Variants in CCAR2 observed in about 807,000 individuals in gnomAD.
CCAR2 encodes cell cycle and apoptosis regulator 2, also known as cell cycle and apoptosis regulator protein 2.
CCAR2 carries 21 observed loss-of-function variants against 108.1 expected under a neutral mutation model. The ratio of observed to expected loss-of-function variants is 0.19; its 90% CI spans 0.14 to 0.28. CCAR2 has a LOEUF of 0.28. CCAR2 is among the 10% of genes least tolerant of loss of function. CCAR2 has a pLI of 1.00. For synonymous variants in CCAR2, 577 were observed against 472.8 expected, an observed-to-expected ratio of 1.22 and a Z score of -2.86; for missense variants, 1,126 against 1,177.0, an observed-to-expected ratio of 0.96 and a Z score of 0.63.
chr8:22,618,364 C>T lies in CCAR2; in HGVS notation c.2089C>T (p.Pro697Ser). The T allele has an allele frequency of 6.2e-7, 1 of 1,614,232 alleles. No individual in the cohort carries two copies. The highest frequency in any genetic ancestry group is 8.5e-7 in the Non-Finnish European group (1 of 1,180,040). ...TTCTTTGCAGCCCAAGGAGCTGGATCCCTCTGCTGTGCTCCCCTTAGACTG... is the reference window on the plus strand; with the variant it reads ...TTCTTTGCAGCCCAAGGAGCTGGATTCCTCTGCTGTGCTCCCCTTAGACTG... ...SLQDMPKELD[P>S]SAVLPLDCLL... The change falls in exon 17 of 21, where the codon CCC becomes TCC. Residue 697 changes from proline to serine, a missense_variant. Physicochemically the swap from Pro to Ser is moderately conservative, Grantham distance 74 (BLOSUM62 -1). Around this residue, in one of 4 missense-constraint regions of CCAR2, gnomAD observed 1,013 missense variants for 993.9 expected, o/e 1.02. Coordinates refer to ENST00000308511, the MANE Select transcript of CCAR2 (RefSeq NM_001393997.1).
Position 22,606,144 on chromosome 8 carries a change from A to C in CCAR2, c.118A>C (p.Thr40Pro), listed in dbSNP as rs148886727. The change falls in exon 3 of 21, where the codon ACA (threonine) becomes CCA (proline). Residue 40 changes from threonine to proline, a missense_variant. Coordinates refer to ENST00000308511, the MANE Select transcript of CCAR2 (RefSeq NM_001393997.1). ...TGGTTTGCTCACTCCTCCTGTGGCC[A>C]CAGAACTGTCCCAGAATGCCAGGCA... ...PPGLLTPPVA[T>P]ELSQNARHLQ... The C allele has an allele frequency of 7.4e-6, 12 of 1,614,136 alleles. No homozygotes were observed. In the East Asian group the frequency reaches 2.7e-4, roughly 36 times the overall value.
chr8:22,609,087 G>A (rs12681464), intron 7 of CCAR2, among the ~76,000 whole-genome samples: 1,594 of 135,654 alleles, frequency 0.012, 31 homozygotes, highest in East Asian at 0.064. Context: ...GGCTTGCTCC[G>A]TCACCCAGGC....
downstream of CCAR2, chr8:22,621,345 G>A: frequency 2.0e-6 from 3 of 1,514,666 alleles, no homozygotes; most frequent in South Asian, 3.8e-5. Flanking sequence ...GCCTGTGAGA[G>A]GAGCAGCTAG....
In CCAR2 at chr8:22,614,884, A is replaced by C. The variant is rs750090786; in HGVS notation, c.1088A>C (p.Glu363Ala). The change falls in exon 11 of 21, where the codon GAA becomes GCA. Residue 363 changes from glutamate (E) to alanine (A), a missense_variant. Glu to Ala is a moderately radical substitution (Grantham distance 107). This residue lies in a region of CCAR2 where 1,013 missense variants were observed against 993.9 expected (regional missense o/e 1.02). Coordinates refer to ENST00000308511, the MANE Select transcript of CCAR2 (RefSeq NM_001393997.1). The part of the protein sequence containing the change: ...KEEEAVLVGG[E>A]WSPSLDGLDP... ...GAGGAGGCAGTGCTGGTTGGGGGTG[A>C]ATGGTCTCCTTCCCTGGATGGCCTC... is the stretch of plus-strand genomic sequence containing the variant. 7 of 1,613,906 alleles carry C rather than the reference A, an allele frequency of 4.3e-6. No homozygotes were observed. The highest frequency in any genetic ancestry group is 5.9e-6 in the Non-Finnish European group (7 of 1,180,000).
Position 22,617,411 on chromosome 8 carries a change from C to G in CCAR2, c.1846-9C>G. On this transcript the variant is annotated splice_polypyrimidine_tract_variant and intron_variant, in intron 14 of 20. Coordinates refer to ENST00000308511, the MANE Select transcript of CCAR2 (RefSeq NM_001393997.1). ...GCCTTTTCCTTATAACCTTTGTCTG[C>G]CTCTGTAGAAGGAGGATGGGCTTTT... The G allele has an allele frequency of 6.5e-7, 1 of 1,529,222 alleles. No homozygotes were observed. 94.7% of individuals were successfully genotyped at this position (1,529,222 alleles called of 1,614,324 possible).
In CCAR2 at chr8:22,615,714, C is replaced by G. The variant is rs201386411; in HGVS notation, c.1410C>G (p.Ala470=). ...AGCCTACTGAACAGGCACCTGATGC[C>G]TTGGAGCAAGCAGCAGACACTTCTA... ...ETEPTEQAPD[A]LEQAADTSRR... Residue 470 remains alanine, a synonymous_variant, in exon 13 of 21, where the codon GCC becomes GCG. Coordinates refer to ENST00000308511, the MANE Select transcript of CCAR2 (RefSeq NM_001393997.1). 6.8e-6 allele frequency: 11 copies of G among 1,613,744 alleles called. No homozygotes were observed. Among genetic ancestry groups the G allele is most frequent in the Middle Eastern group, 1.6e-4 (1 of 6,062 alleles).
intron 3 of CCAR2, 38 bp from the exon 4 acceptor site, chr8:22,606,569 C>T (rs954466406): frequency 1.9e-6 from 3 of 1,539,138 alleles, no homozygotes; most frequent in South Asian, 2.2e-5. Context: ...TGTCCAGTTT[C>T]CTCCCTTTTA....
chr8:22,618,774 G>A (rs1312914272), intron 18 of CCAR2, 46 bp downstream of exon 18: 1 of 1,613,206 alleles, frequency 6.2e-7, no homozygotes, highest in East Asian at 2.2e-5. Flanking sequence ...GGGCAGGGCA[G>A]GCTGCCCTCT....
At position 22,606,088 on chromosome 8, in the gene CCAR2, CA is replaced by C. The variant is rs747613314; in HGVS notation, c.63del (p.Ala22LeufsTer59). 1 of 1,613,610 alleles carries C rather than the reference CA, an allele frequency of 6.2e-7. No individual in the cohort carries two copies. The highest frequency in any genetic ancestry group is 8.5e-7 in the Non-Finnish European group (1 of 1,179,538). ...PLPGGRNFSG[T>X]ASTSLLGPPP... Reference sequence around the variant, plus strand: ...GATTGCTTCTCTTTCCCCATAGGCACAGCTTCAACATCTCTTCTGGGCCCTC... The same window carrying C: ...GATTGCTTCTCTTTCCCCATAGGCACGCTTCAACATCTCTTCTGGGCCCTC... On this transcript the variant is annotated frameshift_variant, in exon 3 of 21. Transcript: ENST00000308511. LOFTEE classifies it high-confidence loss of function.
chr8:22,618,336 G>GT lies in CCAR2; in HGVS notation c.2074-9dup. 1 of 1,614,144 alleles carries GT rather than the reference G, an allele frequency of 6.2e-7. No individual in the cohort carries two copies. On this transcript the variant is annotated splice_polypyrimidine_tract_variant and intron_variant, in intron 16 of 20. Coordinates refer to ENST00000308511, the MANE Select transcript of CCAR2 (RefSeq NM_001393997.1). ...CTATTTGCAAATCCTGCTCATCTTT[G>GT]TTTTCTTTGCAGCCCAAGGAGCTGG...
In CCAR2 at chr8:22,614,843, G is replaced by C; in HGVS notation, c.1047G>C (p.Leu349Phe). Reference protein sequence around the residue: ...PEHPLKQIKFLLGRKEEEAVL... With the variant: ...PEHPLKQIKFFLGRKEEEAVL... ...TCCCTGATCTCTTCTTGCAGTTTTT[G>C]CTGGGCAGGAAAGAAGAGGAGGCAG... The change falls in exon 11 of 21, where the codon TTG becomes TTC. Residue 349 changes from leucine (L) to phenylalanine (F), a missense_variant. Leu to Phe is a conservative substitution (Grantham distance 22). Around this residue, in one of 4 missense-constraint regions of CCAR2, gnomAD observed 1,013 missense variants for 993.9 expected, o/e 1.02. Transcript: ENST00000308511. 1 of 1,613,048 alleles carries C rather than the reference G, an allele frequency of 6.2e-7. No homozygotes were observed. The highest frequency in any genetic ancestry group is 8.5e-7 in the Non-Finnish European group (1 of 1,179,754).
rs118007235 is a variant in CCAR2, at chr8:22,605,066, C to T, written c.-39+224C>T. 7.1e-3 allele frequency: 1,898 copies of T among 266,648 alleles called. 36 individuals carry two copies. The highest frequency in any genetic ancestry group is 0.06 in the East Asian group (385 of 6,384). 16.5% of individuals were successfully genotyped at this position (266,648 alleles called of 1,614,324 possible). A position where few individuals can be genotyped will look rare whatever the true frequency, so the allele number is the denominator to read the frequency against. On this transcript the variant is annotated intron_variant, in intron 1 of 20. Transcript: ENST00000308511. Reference sequence around the variant, plus strand: ...CAGTCCTCCCTTGGTGGCCTCGCCGCGGCTCTGCTGGGAGACCCGGCGCTG... The same window carrying T: ...CAGTCCTCCCTTGGTGGCCTCGCCGTGGCTCTGCTGGGAGACCCGGCGCTG...
At chr8:22,611,426 GTA>G (rs201227307) in intron 7 of CCAR2, among the ~76,000 whole-genome samples, 1 of 145,580 alleles carries the variant, frequency 6.9e-6, no homozygotes, top group Non-Finnish European at 1.5e-5. Flanking sequence ...ATATATGTGT[GTA>G]TATATGTGTG....
At chr8:22,611,795 T>C (rs987458463) in intron 7 of CCAR2, among the ~76,000 whole-genome samples, 18 of 152,360 alleles carry the variant, frequency 1.2e-4, no homozygotes, top group South Asian at 6.2e-4. Flanking sequence ...CAGTTTATGC[T>C]GCTTCATATT....
intron 7 of CCAR2, among the ~76,000 whole-genome samples, chr8:22,611,871 G>A (rs1801296566): frequency 6.7e-6 from 1 of 150,256 alleles, no homozygotes; most frequent in Admixed American, 6.6e-5. Flanking sequence ...TTTCAAGAGT[G>A]TAATTACTGG....
rs757605656 is a variant in CCAR2, at chr8:22,614,429, CGTT to C, written c.972_974del (p.Cys325del). The C allele has an allele frequency of 6.2e-7, 1 of 1,614,036 alleles. No individual in the cohort carries two copies. The highest frequency in any genetic ancestry group is 8.5e-7 in the Non-Finnish European group (1 of 1,180,046). The stretch of plus-strand genomic sequence containing the variant: ...TTCCCCGGGGTTGGAGGAATTGTAT[CGTT>C]GTTGCATGCTCTTTGTGGATGACAT... On this transcript the variant is annotated inframe_deletion, in exon 10 of 21. Coordinates refer to ENST00000308511, the MANE Select transcript of CCAR2 (RefSeq NM_001393997.1).
rs181651255 is a variant in CCAR2, at chr8:22,615,986, C to T, written c.1609-26C>T. On this transcript the variant is annotated intron_variant, in intron 13 of 20. Transcript: ENST00000308511. ...TGAAGCAGTCTTTCTTCCTGATGCT[C>T]ATGGACCCTCCCACCTCCCCATCAG... 17 of 1,613,234 alleles carry T rather than the reference C, an allele frequency of 1.1e-5. No individual in the cohort carries two copies. The East Asian group carries it at 1.6e-4, about 15-fold the overall frequency.
In CCAR2 at chr8:22,618,837, C is replaced by T. The variant is rs201809491; in HGVS notation, c.2343C>T (p.Asp781=). 2.9e-5 allele frequency: 46 copies of T among 1,613,668 alleles called. No homozygotes were observed. In the East Asian group the frequency reaches 6.2e-4, roughly 22 times the overall value. The change falls in exon 19 of 21, where the codon GAC becomes GAT. Residue 781 remains aspartate, a synonymous_variant. Coordinates refer to ENST00000308511, the MANE Select transcript of CCAR2 (RefSeq NM_001393997.1). Reference sequence around the variant, plus strand: ...CACGGTTCTCTCTAGGAAACCTGGACCTGCTGCCCCCTCCTGGGAAAAGCA... The same window carrying T: ...CACGGTTCTCTCTAGGAAACCTGGATCTGCTGCCCCCTCCTGGGAAAAGCA... ...LPEEVLFGNL[D]LLPPPGKSTK...
intron 7 of CCAR2, among the ~76,000 whole-genome samples, chr8:22,609,703 A>AGG (rs150927604): frequency 0.011 from 1,680 of 152,330 alleles, 31 homozygotes; most frequent in East Asian, 0.063. Flanking sequence ...AAATCACAGC[A>AGG]GGTGCCTTCT....
Sources: allele counts gnomAD v4.1 joint callset (sites outside exome capture counted in the v4.1 genomes callset), GRCh38; gene constraint gnomAD v4.1.1; regional missense constraint gnomAD v4.1.1; transcripts MANE v1.5; gene names NCBI Gene and HGNC (gene_info 2026-07-23, HGNC 2026-07-21).